Variants in ROBO2 observed in about 807,000 individuals in gnomAD.
ROBO2 encodes the protein roundabout homolog 2.
Under a neutral mutation model 160.8 loss-of-function variants are expected in ROBO2, and 53 were observed. The ratio of observed to expected loss-of-function variants is 0.33; its 90% CI spans 0.26 to 0.41. ROBO2 has a LOEUF of 0.41. ROBO2 is among the 10% of genes least tolerant of loss of function. ROBO2 has a pLI of 1.00. For synonymous variants in ROBO2, 664 were observed against 611.7 expected, an observed-to-expected ratio of 1.09 and a Z score of -1.26; for missense variants, 1,577 against 1,722.4, an observed-to-expected ratio of 0.92 and a Z score of 1.49.
At chr3:76,366,403 C>T (rs2075814776) in intron 2 of ROBO2, among the ~76,000 whole-genome samples, 1 of 151,878 alleles carries the variant, frequency 6.6e-6, no homozygotes, top group South Asian at 2.1e-4. Context: ...TTTTTTATGA[C>T]TCTGTCTCTG....
At chr3:77,611,158 C>G (rs890123574) in intron 21 of ROBO2, among the ~76,000 whole-genome samples, 58 of 151,992 alleles carry the variant, frequency 3.8e-4, no homozygotes, top group African/African-American at 1.3e-3. Flanking sequence ...ATTAGCTGGG[C>G]GAGGTGGCGG....
chr3:76,463,154 C>G (rs2078176126), intron 2 of ROBO2, among the ~76,000 whole-genome samples: 1 of 152,076 alleles, frequency 6.6e-6, no homozygotes. Context: ...ACCTGAGGCT[C>G]AATGGCACAG....
chr3:76,397,459 T>A (rs960157849), intron 2 of ROBO2, among the ~76,000 whole-genome samples: 3 of 151,056 alleles, frequency 2.0e-5, no homozygotes, highest in East Asian at 2.0e-4. Context: ...GCAACAAAAG[T>A]CAAAATTGAC....
Position 77,183,114 on chromosome 3 carries a change from T to C in ROBO2, c.388+84774T>C, listed in dbSNP as rs1379911245. ...CTGATGCTGGCTCCTGTTTTATCAC[T>C]AAGCCATTAAGCTTTCTCAAAAATA... On this transcript the variant is annotated intron_variant, in intron 2 of 25. Coordinates refer to ENST00000461745, the Ensembl canonical transcript of ROBO2. Among the ~76,000 whole-genome samples the C allele has an allele frequency of 2.6e-5, 4 of 152,062 alleles. No individual in the cohort carries two copies. In the South Asian group the frequency reaches 8.3e-4, roughly 31 times the overall value.
chr3:76,052,475 A>T (rs1177779160), intron 2 of ROBO2, among the ~76,000 whole-genome samples: 4 of 151,120 alleles, frequency 2.6e-5, no homozygotes, highest in Non-Finnish European at 5.9e-5. Flanking sequence ...TTATTTCATG[A>T]TGCTGTCCTT....
intron 2 of ROBO2, among the ~76,000 whole-genome samples, chr3:76,460,563 A>G (rs1248137496): frequency 1.3e-5 from 2 of 152,204 alleles, no homozygotes; most frequent in Admixed American, 1.3e-4. Context: ...TCAAGCAACC[A>G]GGAGAAAATT....
intron 2 of ROBO2, among the ~76,000 whole-genome samples, chr3:76,589,264 G>T (rs2086255106): frequency 6.6e-6 from 1 of 151,932 alleles, no homozygotes; most frequent in East Asian, 1.9e-4. Context: ...ATATGAAGCT[G>T]AAAAAATGAA....
chr3:77,186,927 A>G (rs2081336783), intron 2 of ROBO2, among the ~76,000 whole-genome samples: 1 of 151,998 alleles, frequency 6.6e-6, no homozygotes, highest in Non-Finnish European at 1.5e-5. Flanking sequence ...AACCATGTCA[A>G]TGTCAGCTGA....
At chr3:76,519,631 T>C (rs2081501334) in intron 2 of ROBO2, among the ~76,000 whole-genome samples, 1 of 152,132 alleles carries the variant, frequency 6.6e-6, no homozygotes, top group Non-Finnish European at 1.5e-5. Context: ...CACTTTTGTA[T>C]ACCCGGGGAT....
intron 2 of ROBO2, among the ~76,000 whole-genome samples, chr3:77,333,493 C>G (rs1446725829): frequency 6.6e-6 from 1 of 152,046 alleles, no homozygotes; most frequent in Non-Finnish European, 1.5e-5. Context: ...ATTTTTGTTA[C>G]AAACCAGTGA....
At chr3:76,135,147 C>G (rs2071383101) in intron 2 of ROBO2, among the ~76,000 whole-genome samples, 1 of 152,060 alleles carries the variant, frequency 6.6e-6, no homozygotes, top group Non-Finnish European at 1.5e-5. Flanking sequence ...CTGGGATACA[C>G]TTCAGTCCCC....
At chr3:76,495,229 T>A (rs1004054643) in intron 2 of ROBO2, among the ~76,000 whole-genome samples, 12 of 150,458 alleles carry the variant, frequency 8.0e-5, no homozygotes, top group African/African-American at 3.0e-4. Flanking sequence ...TTTTTTTTTT[T>A]ATCTGATTCT....
chr3:76,110,092 T>C (rs952872926), intron 2 of ROBO2, among the ~76,000 whole-genome samples: 7 of 151,592 alleles, frequency 4.6e-5, no homozygotes, highest in South Asian at 2.1e-4. Context: ...TCATTCCATC[T>C]GTCTTAAACT....
chr3:77,606,101 ATTG>A (rs1418284836), intron 20 of ROBO2, among the ~76,000 whole-genome samples: 1 of 152,170 alleles, frequency 6.6e-6, no homozygotes, highest in Non-Finnish European at 1.5e-5. Flanking sequence ...AAGCAAGTTT[ATTG>A]TTATTCTGAG....
intron 2 of ROBO2, among the ~76,000 whole-genome samples, chr3:77,360,897 C>CG (rs1228950352): frequency 2.2e-5 from 1 of 45,600 alleles, no homozygotes; most frequent in Non-Finnish European, 5.0e-5. Flanking sequence ...TTTTTGTTTG[C>CG]ATTTTTTTTT....
intron 6 of ROBO2, among the ~76,000 whole-genome samples, 185 bp downstream of exon 6, chr3:77,523,087 T>C (rs529679825): frequency 1.3e-5 from 2 of 151,402 alleles, no homozygotes; most frequent in East Asian, 3.9e-4. Context: ...CCAATGATGA[T>C]AATTTAAAAA....
chr3:76,453,753 A>C (rs2077600504), intron 2 of ROBO2, among the ~76,000 whole-genome samples: 1 of 152,158 alleles, frequency 6.6e-6, no homozygotes, highest in Non-Finnish European at 1.5e-5. Context: ...TAAAAAACAA[A>C]AGGTTACCCT....
At chr3:77,530,916 C>T (rs867744279) in intron 6 of ROBO2, among the ~76,000 whole-genome samples, 5 of 151,960 alleles carry the variant, frequency 3.3e-5, no homozygotes, top group African/African-American at 1.2e-4. Flanking sequence ...GCTTCCTATA[C>T]CCATCTGTCT....
At chr3:76,381,108 A>G (rs185021502) in intron 2 of ROBO2, among the ~76,000 whole-genome samples, 12 of 152,026 alleles carry the variant, frequency 7.9e-5, no homozygotes, top group African/African-American at 2.9e-4. Context: ...ACAGACACAG[A>G]TAGATAGCAA....
Sources: gnomAD v4.1 joint callset for allele counts (sites outside exome capture counted in the v4.1 genomes callset) on GRCh38, gnomAD v4.1.1 for gene constraint, MANE v1.5 for transcripts, NCBI Gene and HGNC (gene_info 2026-07-23, HGNC 2026-07-21) for gene names.